Variants in NDRG3 observed in about 807,000 individuals in gnomAD.
NDRG3 encodes the protein NDRG family member 3, also known as protein NDRG3.
In NDRG3, 23 loss-of-function variants were observed where a neutral mutation model predicts 57.2. That is an observed-to-expected ratio of 0.40 (90% confidence interval 0.29 to 0.57). The LOEUF (loss-of-function observed/expected upper bound fraction) is 0.57, where lower values mean the gene tolerates loss of function less well. Ranked by LOEUF, NDRG3 falls within the 20% of genes least tolerant of loss-of-function variation. The pLI, the probability that NDRG3 is intolerant of heterozygous loss-of-function variation, is 0.42. For synonymous variants in NDRG3, 132 were observed against 162.6 expected (o/e 0.81, Z 1.43); for missense variants, 384 against 457.3 (o/e 0.84, Z 1.46).
chr20:36,693,918 A>T (rs772849223), intron 3 of NDRG3, among the ~76,000 whole-genome samples: 4 of 152,078 alleles, frequency 2.6e-5, no homozygotes, highest in Non-Finnish European at 5.9e-5. Flanking sequence ...TCCCAAAACC[A>T]TCCCAAATAC....
At position 36,653,780 on chromosome 20, in the gene NDRG3, T is replaced by C. The variant is rs904569670; in HGVS notation, c.947-79A>G. 17 of 1,343,546 alleles carry C rather than the reference T, an allele frequency of 1.3e-5. No individual in the cohort carries two copies. The highest frequency in any genetic ancestry group is 1.7e-5 in the Non-Finnish European group (17 of 976,538). The allele number at this position is 1,343,546 out of a possible 1,614,324, so 83.2% of individuals were successfully genotyped here. A position where few individuals can be genotyped will look rare whatever the true frequency, so the allele number is the denominator to read the frequency against. On this transcript the variant is annotated intron_variant, in intron 15 of 15. Coordinates refer to ENST00000349004, the MANE Select transcript of NDRG3 (RefSeq NM_032013.4). This position sits in a 1 kb window ranked among gnomAD's most constrained non-coding sequence, Gnocchi z 4.2. ...AACCTAGGAGTCTCATCAAAGTCTT[T>C]ATGTTTAGCTTTTCCGACTCATTTA...
chr20:36,739,133 T>TTAAAAAAAAAAAAA (rs1568676736), intron 1 of NDRG3, among the ~76,000 whole-genome samples: 1 of 31,526 alleles, frequency 3.2e-5, no homozygotes. Flanking sequence ...AGACCCCATC[T>TTAAAAAAAAAAAAA]CAAAAAAAAA....
rs567941070 is a variant in NDRG3, at chr20:36,689,610, A to C, written c.94-826T>G. The stretch of plus-strand genomic sequence containing the variant: ...TGTCATCCACACGTTACAGGGGTGG[A>C]TCTTGGCTACCATGTTTGTGGAACA... On this transcript the variant is annotated intron_variant, in intron 3 of 15. Transcript: ENST00000349004. 6.4e-4 allele frequency among the ~76,000 whole-genome samples: 97 copies of C among 151,792 alleles called. 1 individual carries two copies. The highest frequency in any genetic ancestry group is 2.2e-3 in the African/African-American group (93 of 41,388).
intron 6 of NDRG3, among the ~76,000 whole-genome samples, chr20:36,683,639 AATATATGTAT>A (rs1192356030): frequency 5.4e-5 from 8 of 147,374 alleles, no homozygotes; most frequent in Non-Finnish European, 8.9e-5. Flanking sequence ...TAAATAAATA[AATATATGTAT>A]ATATATGTAT....
At chr20:36,709,228 T>C (rs1568658343) in intron 2 of NDRG3, among the ~76,000 whole-genome samples, 1 of 152,150 alleles carries the variant, frequency 6.6e-6, no homozygotes, top group Non-Finnish European at 1.5e-5. Flanking sequence ...TCAGTTACAT[T>C]AGCCATATCT....
intron 1 of NDRG3, among the ~76,000 whole-genome samples, chr20:36,736,012 C>T (rs1328501179): frequency 6.8e-6 from 1 of 147,564 alleles, no homozygotes; most frequent in Non-Finnish European, 1.5e-5. Context: ...ATTCAGGAGA[C>T]ACCAAGAACA....
intron 10 of NDRG3, 92 bp from the exon 11 acceptor site, chr20:36,665,393 G>T: frequency 8.8e-7 from 1 of 1,139,910 alleles, no homozygotes; most frequent in Non-Finnish European, 1.3e-6. Context: ...ATTTATCAAG[G>T]AATGCGAAAC....
In NDRG3 at chr20:36,695,332, G is replaced by C. The variant is rs141278157; in HGVS notation, c.94-6548C>G. ...ATGAAATCTGGGCACCTTGAAAAAA[G>C]AACTGGATAACAGTGATGTTCAAGG... is the stretch of plus-strand genomic sequence containing the variant. On this transcript the variant is annotated intron_variant, in intron 3 of 15. Transcript: ENST00000349004. Among the ~76,000 whole-genome samples the C allele has an allele frequency of 7.4e-4, 112 of 152,286 alleles. 1 individual carries two copies. In the East Asian group the frequency reaches 0.021, roughly 29 times the overall value.
chr20:36,745,593 C>T (rs541404712), intron 1 of NDRG3, among the ~76,000 whole-genome samples: 1 of 152,364 alleles, frequency 6.6e-6, no homozygotes, highest in Admixed American at 6.5e-5. Flanking sequence ...ATGCCCTCTG[C>T]TGCTCTGGGG....
intron 3 of NDRG3, chr20:36,700,446 T>C (rs763218898): frequency 4.1e-5 from 22 of 532,504 alleles, no homozygotes; most frequent in Admixed American, 2.3e-4. Flanking sequence ...TCCATGGTGA[T>C]TGGCATGCAT....
At chr20:36,720,031 C>T (rs1000797148) in intron 2 of NDRG3, among the ~76,000 whole-genome samples, 5 of 150,386 alleles carry the variant, frequency 3.3e-5, no homozygotes, top group East Asian at 4.0e-4. Flanking sequence ...CACTTGAAAC[C>T]GGGAGGCGGA....
intron 1 of NDRG3, among the ~76,000 whole-genome samples, chr20:36,739,590 G>C (rs1485000870): frequency 1.3e-5 from 2 of 151,804 alleles, no homozygotes; most frequent in Non-Finnish European, 2.9e-5. Flanking sequence ...GGCGGATCAC[G>C]AGGTCAGGAG....
At chr20:36,735,611 G>C (rs1277727065) in intron 1 of NDRG3, among the ~76,000 whole-genome samples, 1 of 152,184 alleles carries the variant, frequency 6.6e-6, no homozygotes, top group African/African-American at 2.4e-5. Flanking sequence ...CAAGGGAAGG[G>C]AGAATGATGG....
intron 1 of NDRG3, among the ~76,000 whole-genome samples, chr20:36,725,600 T>TAAAAAAAAA (rs548128722): frequency 3.9e-4 from 32 of 82,064 alleles, no homozygotes; most frequent in South Asian, 6.9e-4. Context: ...AGACTCCGTC[T>TAAAAAAAAA]AAAAAAAAAA....
Position 36,653,815 on chromosome 20 carries a change from C to T in NDRG3, c.947-114G>A. The T allele has an allele frequency of 2.1e-6, 2 of 951,602 alleles. No homozygotes were observed. Among genetic ancestry groups the T allele is most frequent in the Non-Finnish European group, 3.1e-6 (2 of 641,388 alleles). The allele number at this position is 951,602 out of a possible 1,614,324, so 58.9% of individuals were successfully genotyped here. Reference sequence around the variant, plus strand: ...TTTTCCGACTCATTTACCATGACACCCAGGACAAGATATAGCCATCCCCAT... The same window carrying T: ...TTTTCCGACTCATTTACCATGACACTCAGGACAAGATATAGCCATCCCCAT... On this transcript the variant is annotated intron_variant, in intron 15 of 15. Coordinates refer to ENST00000349004, the MANE Select transcript of NDRG3 (RefSeq NM_032013.4). The surrounding 1 kb of genome is among the most constrained non-coding windows in gnomAD (Gnocchi z 4.2).
At chr20:36,742,732 A>G (rs1215137412) in intron 1 of NDRG3, among the ~76,000 whole-genome samples, 1 of 152,224 alleles carries the variant, frequency 6.6e-6, no homozygotes, top group Non-Finnish European at 1.5e-5. Context: ...ACAGTTAAAG[A>G]CAATGTTTCC....
rs757285386 is a variant in NDRG3 at position 36,657,485 on chromosome 20, G to GA, written c.859-954dup. On this transcript the variant is annotated intron_variant, in intron 13 of 15. Transcript: ENST00000349004. ...CCTGGGCGACAGAGTCCGTCTCCAG[G>GA]AAAAAAAAAAAAAAAGGAACGTACA... is the stretch of plus-strand genomic sequence containing the variant. Among the ~76,000 whole-genome samples the GA allele has an allele frequency of 7.5e-3, 972 of 129,920 alleles. 6 individuals carry two copies. Among genetic ancestry groups the GA allele is most frequent in the African/African-American group, 0.017 (607 of 35,370 alleles). The allele number at this position is 129,920 out of a possible 152,430, so 85.2% of individuals were successfully genotyped here. A position where few individuals can be genotyped will look rare whatever the true frequency, so the allele number is the denominator to read the frequency against.
chr20:36,673,714 T>C (rs1402112148), intron 8 of NDRG3, among the ~76,000 whole-genome samples: 1 of 152,118 alleles, frequency 6.6e-6, no homozygotes, highest in Non-Finnish European at 1.5e-5. Context: ...ATATTCTGGG[T>C]TTGCAATTTA....
At chr20:36,684,389 T>G in intron 6 of NDRG3, 24 bp downstream of exon 6, 1 of 1,599,668 alleles carries the variant, frequency 6.3e-7, no homozygotes, top group Non-Finnish European at 8.6e-7. Context: ...AAAAACTGCA[T>G]GAAAGACTGC....
Sources: gnomAD v4.1 joint callset for allele counts (sites outside exome capture counted in the v4.1 genomes callset) on GRCh38, gnomAD v4.1.1 for gene constraint, Gnocchi (gnomAD v3.1) non-coding constraint, MANE v1.5 for transcripts, NCBI Gene and HGNC (gene_info 2026-07-23, HGNC 2026-07-21) for gene names.